Variants in TAOK3 observed in about 807,000 individuals in gnomAD.
TAOK3 encodes the protein TAO kinase 3, also known as serine/threonine-protein kinase TAO3.
In TAOK3, 40 loss-of-function variants were observed where a neutral mutation model predicts 120.4. The observed-to-expected ratio is 0.33, with a 90% CI of 0.26 to 0.43. The LOEUF is 0.43. Ranked by LOEUF, TAOK3 falls within the 20% of genes least tolerant of loss-of-function variation. TAOK3 has a pLI of 1.00. For synonymous variants in TAOK3, 355 were observed against 387.5 expected, an observed-to-expected ratio of 0.92 and a Z score of 0.99; for missense variants, 821 against 1,112.1, an observed-to-expected ratio of 0.74 and a Z score of 3.72.
chr12:118,338,705 T>C (rs2141095108), intron 1 of TAOK3, among the ~76,000 whole-genome samples: 1 of 142,758 alleles, frequency 7.0e-6, no homozygotes, highest in African/African-American at 2.6e-5. Flanking sequence ...GAGAATCACT[T>C]GAACCTGGGA....
intron 4 of TAOK3, among the ~76,000 whole-genome samples, 198 bp from the exon 5 acceptor site, chr12:118,243,714 T>A (rs905799689): frequency 6.6e-6 from 1 of 152,198 alleles, no homozygotes; most frequent in Non-Finnish European, 1.5e-5. Context: ...TCTTGCTCTA[T>A]CGCCCAGGCT....
In TAOK3 at chr12:118,150,156, C is replaced by T. The variant is rs2034289424; in HGVS notation, c.*841G>A. On this transcript the variant is annotated 3_prime_UTR_variant, in exon 21 of 21. Transcript: ENST00000392533. ...TTTGATCAGAGAAACAGTTAAAATA[C>T]AATATGAAAATAAGTAATACCTCTC... 1 of 152,600 alleles carries T rather than the reference C, an allele frequency of 6.6e-6. No individual in the cohort carries two copies. Among genetic ancestry groups the T allele is most frequent in the Admixed American group, 6.5e-5 (1 of 15,284 alleles). The allele number at this position is 152,600 out of a possible 1,614,324, so 9.5% of individuals were successfully genotyped here. A position where few individuals can be genotyped will look rare whatever the true frequency, so the allele number is the denominator to read the frequency against.
chr12:118,367,882 C>G (rs868168231), intron 1 of TAOK3, among the ~76,000 whole-genome samples: 1 of 152,040 alleles, frequency 6.6e-6, no homozygotes, highest in Non-Finnish European at 1.5e-5. Context: ...AAAGTACCAA[C>G]AGTTTTCATC....
At chr12:118,217,754 G>GTA (rs1371841506) in intron 9 of TAOK3, among the ~76,000 whole-genome samples, 2 of 131,738 alleles carry the variant, frequency 1.5e-5, no homozygotes, top group Admixed American at 8.3e-5. Context: ...TTAATTTTAT[G>GTA]TATATATATG....
intron 1 of TAOK3, among the ~76,000 whole-genome samples, chr12:118,348,616 A>G (rs2141196414): frequency 6.6e-6 from 1 of 151,820 alleles, no homozygotes; most frequent in Admixed American, 6.5e-5. Flanking sequence ...ACGCCTGGCT[A>G]ATTTTTTGTA....
intron 13 of TAOK3, among the ~76,000 whole-genome samples, chr12:118,192,738 A>G (rs2037497565): frequency 6.6e-6 from 1 of 152,234 alleles, no homozygotes; most frequent in African/African-American, 2.4e-5. Context: ...TCTGTAAGAG[A>G]CCACTATACC....
chr12:118,209,519 C>G (rs1430814151), intron 11 of TAOK3, among the ~76,000 whole-genome samples: 4 of 151,874 alleles, frequency 2.6e-5, no homozygotes, highest in African/African-American at 9.7e-5. Flanking sequence ...CTGCCTCAGC[C>G]ACTCGATTAG....
chr12:118,268,820 C>T (rs1005560505), intron 1 of TAOK3, among the ~76,000 whole-genome samples: 1 of 152,082 alleles, frequency 6.6e-6, no homozygotes, highest in Non-Finnish European at 1.5e-5. Context: ...ACCAGCCTAA[C>T]CAACATGGAG....
At chr12:118,243,057 C>G (rs192727293) in intron 5 of TAOK3, among the ~76,000 whole-genome samples, 1 of 151,780 alleles carries the variant, frequency 6.6e-6, no homozygotes, top group Admixed American at 6.6e-5. Flanking sequence ...AGAACAATTC[C>G]AAATATGGGG....
At chr12:118,349,429 A>G (rs1025504268) in intron 1 of TAOK3, among the ~76,000 whole-genome samples, 1 of 152,228 alleles carries the variant, frequency 6.6e-6, no homozygotes, top group Non-Finnish European at 1.5e-5. Context: ...TGGCCATAAA[A>G]AGGAATCATC....
chr12:118,364,836 C>T (rs142883623), intron 1 of TAOK3, among the ~76,000 whole-genome samples: 3 of 152,080 alleles, frequency 2.0e-5, no homozygotes, highest in Non-Finnish European at 4.4e-5. Context: ...ATCTGGGAGG[C>T]GGATGTTGCA....
At chr12:118,232,585 A>G (rs1442371100) in intron 9 of TAOK3, among the ~76,000 whole-genome samples, 1 of 152,182 alleles carries the variant, frequency 6.6e-6, no homozygotes, top group Non-Finnish European at 1.5e-5. Flanking sequence ...GTTAACTGCC[A>G]TATCTGCTTC....
chr12:118,225,246 C>CAAAAAAAAAAA (rs34923071), intron 9 of TAOK3, among the ~76,000 whole-genome samples: 1 of 75,866 alleles, frequency 1.3e-5, no homozygotes, highest in African/African-American at 5.2e-5. Flanking sequence ...GAGACTGTCT[C>CAAAAAAAAAAA]AAAAAAAAAA....
chr12:118,241,731 C>A (rs1015748302), intron 5 of TAOK3, among the ~76,000 whole-genome samples: 1 of 152,148 alleles, frequency 6.6e-6, no homozygotes, highest in African/African-American at 2.4e-5. Flanking sequence ...CAGCTCAGTT[C>A]CTTAGAGCTC....
intron 14 of TAOK3, among the ~76,000 whole-genome samples, chr12:118,183,236 T>C (rs1432508778): frequency 6.6e-6 from 1 of 152,166 alleles, no homozygotes; most frequent in African/African-American, 2.4e-5. Context: ...AAAGAAGAGT[T>C]TGTTTCTCTG....
At chr12:118,200,139 C>T (rs1343262155) in intron 12 of TAOK3, 1 of 152,022 alleles carries the variant, frequency 6.6e-6, no homozygotes. Flanking sequence ...GACTTATTTT[C>T]CCAATTAAAG....
At chr12:118,240,074 C>T (rs568766247) in intron 5 of TAOK3, among the ~76,000 whole-genome samples, 8 of 151,866 alleles carry the variant, frequency 5.3e-5, no homozygotes, top group Admixed American at 3.9e-4. Context: ...AGGCTAAGGA[C>T]GGAGAATCGC....
intron 1 of TAOK3, among the ~76,000 whole-genome samples, chr12:118,306,832 A>G (rs977585890): frequency 6.6e-6 from 1 of 152,218 alleles, no homozygotes; most frequent in East Asian, 1.9e-4. Context: ...GTACATTCAA[A>G]TAGAATGCTC....
At chr12:118,254,978 G>A (rs2040919026) in intron 3 of TAOK3, among the ~76,000 whole-genome samples, 1 of 152,086 alleles carries the variant, frequency 6.6e-6, no homozygotes, top group African/African-American at 2.4e-5. Flanking sequence ...TAGCCAGGAT[G>A]GTCTCGATCT....
Sources: allele counts gnomAD v4.1 joint callset (sites outside exome capture counted in the v4.1 genomes callset), GRCh38; gene constraint gnomAD v4.1.1; transcripts MANE v1.5; gene names NCBI Gene and HGNC (gene_info 2026-07-23, HGNC 2026-07-21).